SYBU: variants seen among roughly 807,000 people sequenced by gnomAD.
SYBU encodes GOLSYN A protein.
SYBU carries 21 observed loss-of-function variants against 35.9 expected under a neutral mutation model. That is an observed-to-expected ratio of 0.58 (90% confidence interval 0.41 to 0.84). The LOEUF is 0.84. SYBU is among the 40% of genes least tolerant of loss of function. The pLI, the probability that SYBU is intolerant of heterozygous loss-of-function variation, is 0.00. For synonymous variants in SYBU, 319 were observed against 324.3 expected, an observed-to-expected ratio of 0.98 and a Z score of 0.18; for missense variants, 768 against 848.2, an observed-to-expected ratio of 0.91 and a Z score of 1.17.
chr8:109,638,632 C>T (rs1344599018), intron 2 of SYBU, among the ~76,000 whole-genome samples: 1 of 152,068 alleles, frequency 6.6e-6, no homozygotes, highest in Admixed American at 6.5e-5. Context: ...TAAAATAAAG[C>T]ATTAATTAAT....
rs1326578235 is a variant in SYBU at position 109,574,441 on chromosome 8, CA to C, written c.*464del. The C allele has an allele frequency of 2.0e-5, 3 of 153,694 alleles. No homozygotes were observed. Among genetic ancestry groups the C allele is most frequent in the African/African-American group, 7.2e-5 (3 of 41,508 alleles). The allele number at this position is 153,694 out of a possible 1,614,324, so 9.5% of individuals were successfully genotyped here. A position where few individuals can be genotyped will look rare whatever the true frequency, so the allele number is the denominator to read the frequency against. Reference sequence around the variant, plus strand: ...CCAAGTAAGACAGTAAAGAGCTATTCAAGACTTCTTCAAACCAATTACACAA... The same window carrying C: ...CCAAGTAAGACAGTAAAGAGCTATTCAGACTTCTTCAAACCAATTACACAA... On this transcript the variant is annotated 3_prime_UTR_variant, in exon 7 of 7. Coordinates refer to ENST00000276646, the MANE Select transcript of SYBU (RefSeq NM_001099754.2).
At chr8:109,662,681 G>T (rs1188201311) in intron 1 of SYBU, among the ~76,000 whole-genome samples, 2 of 152,140 alleles carry the variant, frequency 1.3e-5, no homozygotes, top group African/African-American at 4.8e-5. Context: ...GTATCTATCA[G>T]GACATAATGT....
chr8:109,629,205 T>G (rs1337741297), intron 2 of SYBU, among the ~76,000 whole-genome samples: 1 of 152,200 alleles, frequency 6.6e-6, no homozygotes, highest in Non-Finnish European at 1.5e-5. Context: ...GAAACTGCAG[T>G]GTGCACTATG....
chr8:109,576,111 A>C, intron 6 of SYBU, 98 bp from the exon 7 acceptor site: 2 of 1,360,572 alleles, frequency 1.5e-6, no homozygotes, highest in Admixed American at 2.8e-5. Context: ...GTTCTGGCAC[A>C]GAGCCAAGAG....
rs1815398329 is a variant in SYBU at position 109,644,667 on chromosome 8, C to CT, written c.-9dup. ...CTCGCGGAGGGGCCCCATCGCGCCG[C>CT]TGCCCGCCGGCTCCTCGCGCCGCCG... is the stretch of plus-strand genomic sequence containing the variant. On this transcript the variant is annotated 5_prime_UTR_variant, in exon 1 of 7. Transcript: ENST00000276646. 3 of 1,519,506 alleles carry CT rather than the reference C, an allele frequency of 2.0e-6. No homozygotes were observed. The African/African-American group carries it at 4.3e-5, about 22-fold the overall frequency. 94.1% of individuals were successfully genotyped at this position (1,519,506 alleles called of 1,614,324 possible).
intron 3 of SYBU, among the ~76,000 whole-genome samples, chr8:109,605,601 T>C (rs1825991083): frequency 6.6e-6 from 1 of 152,286 alleles, no homozygotes; most frequent in Non-Finnish European, 1.5e-5. Flanking sequence ...AAAATAAATA[T>C]AAAGCTGCAA....
At position 109,691,305 on chromosome 8, in the gene SYBU, A is replaced by G; in HGVS notation, c.-58+28T>C. On this transcript the variant is annotated intron_variant, in intron 1 of 7. Coordinates refer to the SYBU transcript ENST00000422135. This position sits in a 1 kb window ranked among gnomAD's most constrained non-coding sequence, Gnocchi z 4.7. ...TCCCGTGTCCGCGGGCACTGACAGC[A>G]GAGACCGCATAGGCGCCCCGGTCTT... 1.4e-6 allele frequency: 1 copy of G among 700,136 alleles called. No homozygotes were observed. The highest frequency in any genetic ancestry group is 2.6e-6 in the Non-Finnish European group (1 of 383,892). 43.4% of individuals were successfully genotyped at this position (700,136 alleles called of 1,614,324 possible). A position where few individuals can be genotyped will look rare whatever the true frequency, so the allele number is the denominator to read the frequency against.
intron 1 of SYBU, among the ~76,000 whole-genome samples, chr8:109,690,758 G>A (rs1817626848): frequency 6.6e-6 from 1 of 152,146 alleles, no homozygotes. Flanking sequence ...GAGGTTTTGA[G>A]CTCATCAACG....
intron 3 of SYBU, chr8:109,607,956 C>T: frequency 6.5e-7 from 1 of 1,535,288 alleles, no homozygotes; most frequent in African/African-American, 1.4e-5. Flanking sequence ...ATTGCCTCTG[C>T]AAACAGCCTC....
chr8:109,603,729 G>T (rs982613311), intron 3 of SYBU, among the ~76,000 whole-genome samples: 1 of 152,174 alleles, frequency 6.6e-6, no homozygotes, highest in Non-Finnish European at 1.5e-5. Context: ...GGAAACAGTA[G>T]TTTTGAAAAT....
chr8:109,679,782 T>C (rs1028069731), intron 1 of SYBU, among the ~76,000 whole-genome samples: 3 of 152,230 alleles, frequency 2.0e-5, no homozygotes, highest in African/African-American at 7.2e-5. Flanking sequence ...TAAAACTGCC[T>C]TTAGAGCACT....
intron 1 of SYBU, chr8:109,680,631 T>C (rs1817370314): frequency 6.6e-6 from 1 of 152,236 alleles, no homozygotes; most frequent in Admixed American, 6.5e-5. Context: ...TTCCTTAATA[T>C]TTTTACGACA....
intron 2 of SYBU, among the ~76,000 whole-genome samples, chr8:109,637,988 A>T (rs1814414333): frequency 6.6e-6 from 1 of 152,226 alleles, no homozygotes; most frequent in Non-Finnish European, 1.5e-5. Context: ...CATTTAAAAA[A>T]ATTGACCTGG....
chr8:109,596,617 T>C (rs1192803110), intron 3 of SYBU, among the ~76,000 whole-genome samples: 1 of 152,258 alleles, frequency 6.6e-6, no homozygotes, highest in African/African-American at 2.4e-5. Context: ...GTATATACAA[T>C]CTTTTGGGAC....
chr8:109,630,696 T>C (rs1813517939), intron 2 of SYBU, among the ~76,000 whole-genome samples: 1 of 152,188 alleles, frequency 6.6e-6, no homozygotes. Flanking sequence ...AATGGGTTTA[T>C]GATTGTGTAG....
In SYBU at chr8:109,575,140, C is replaced by T. The variant is rs1375243302; in HGVS notation, c.1758G>A (p.Arg586=). The T allele has an allele frequency of 1.2e-6, 2 of 1,614,220 alleles. No homozygotes were observed. Among genetic ancestry groups the T allele is most frequent in the Non-Finnish European group, 8.5e-7 (1 of 1,180,028 alleles). ...GAGCCAGTGGGATGACACCATCCAA[C>T]CTCTCTTCCACGCAGGCTGCAAAAT... The part of the protein sequence containing the change: ...ELDFAACVEE[R]LDGVIPLARG... Residue 586 remains arginine, a synonymous_variant, in exon 7 of 7, where the codon AGG becomes AGA. Transcript: ENST00000276646.
chr8:109,628,518 C>CT, intron 2 of SYBU, among the ~76,000 whole-genome samples: 1 of 151,788 alleles, frequency 6.6e-6, no homozygotes, highest in Non-Finnish European at 1.5e-5. Context: ...TTTTCTTTTT[C>CT]TTTTTTTGTA....
At chr8:109,643,055 G>T in intron 1 of SYBU, 123 bp from the exon 2 acceptor site, 7 of 1,402,274 alleles carry the variant, frequency 5.0e-6, no homozygotes, top group Non-Finnish European at 6.5e-6. Flanking sequence ...TCTTCACAGA[G>T]TAGTCCTTCT....
chr8:109,619,372 T>C (rs997428674), intron 2 of SYBU, among the ~76,000 whole-genome samples: 2 of 151,928 alleles, frequency 1.3e-5, no homozygotes, highest in African/African-American at 2.4e-5. Flanking sequence ...TACAGACGTA[T>C]GCCACCAGGC....
Sources: allele counts gnomAD v4.1 joint callset (sites outside exome capture counted in the v4.1 genomes callset), GRCh38; gene constraint gnomAD v4.1.1; non-coding constraint Gnocchi (gnomAD v3.1); transcripts MANE v1.5; gene names NCBI Gene and HGNC (gene_info 2026-07-23, HGNC 2026-07-21).